EIF4G3: variants seen among roughly 807,000 people sequenced by gnomAD.
The protein encoded by EIF4G3 is eukaryotic translation initiation factor 4 gamma 3.
Under a neutral mutation model 186.4 loss-of-function variants are expected in EIF4G3, and 34 were observed. The ratio of observed to expected loss-of-function variants is 0.18; its 90% CI spans 0.14 to 0.24. The LOEUF (loss-of-function observed/expected upper bound fraction) is 0.24. Among genes scored for constraint, EIF4G3 ranks in the 10% least tolerant of loss-of-function variants. The pLI, the probability that EIF4G3 is intolerant of heterozygous loss-of-function variation, is 1.00. For missense variants in EIF4G3, 1,536 were observed against 1,948.5 expected (o/e 0.79, Z 3.99); for synonymous variants, 673 against 679.5 (o/e 0.99, Z 0.15).
intron 16 of EIF4G3, among the ~76,000 whole-genome samples, chr1:20,897,121 A>C (rs1277541499): frequency 6.6e-6 from 1 of 152,210 alleles, no homozygotes; most frequent in African/African-American, 2.4e-5. Context: ...AGAAGGGAAC[A>C]ATGAAATACA....
intron 2 of EIF4G3, among the ~76,000 whole-genome samples, chr1:21,168,393 G>C (rs1184193358): frequency 1.3e-5 from 2 of 151,646 alleles, no homozygotes; most frequent in African/African-American, 4.9e-5. Context: ...GACAGAGCGA[G>C]GCTCCGTCTC....
At chr1:20,932,792 A>C (rs1025821400) in intron 14 of EIF4G3, among the ~76,000 whole-genome samples, 2 of 152,190 alleles carry the variant, frequency 1.3e-5, no homozygotes, top group Non-Finnish European at 2.9e-5. Context: ...GAAAGGTCTG[A>C]AATACTGTGA....
At chr1:21,000,675 A>C (rs1234849955) in intron 6 of EIF4G3, among the ~76,000 whole-genome samples, 1 of 152,128 alleles carries the variant, frequency 6.6e-6, no homozygotes, top group African/African-American at 2.4e-5. Flanking sequence ...AAGCAAGAGT[A>C]GTCTGGGGTC....
rs1379240381 is a variant in EIF4G3, at chr1:20,806,634, A to T, written c.*685T>A. 1 of 150,290 alleles carries T rather than the reference A, an allele frequency of 6.7e-6. No homozygotes were observed. The highest frequency in any genetic ancestry group is 1.5e-5 in the Non-Finnish European group (1 of 67,654). The allele number at this position is 150,290 out of a possible 1,614,324, so 9.3% of individuals were successfully genotyped here. A position where few individuals can be genotyped will look rare whatever the true frequency, so the allele number is the denominator to read the frequency against. The stretch of plus-strand genomic sequence containing the variant: ...TAAAGATTTCAAGAGTATTAAGAGT[A>T]CTTTTCTCAGGGTAGCACTTTTTTT... On this transcript the variant is annotated 3_prime_UTR_variant, in exon 37 of 37. Transcript: ENST00000602326.
chr1:20,997,674 A>T, intron 6 of EIF4G3, 41 bp from the exon 7 acceptor site: 1 of 1,504,370 alleles, frequency 6.6e-7, no homozygotes, highest in African/African-American at 1.4e-5. Context: ...GGAAAGGCAC[A>T]AAGAGTCAGA....
chr1:21,083,433 A>G (rs2095857440), intron 3 of EIF4G3, among the ~76,000 whole-genome samples: 1 of 151,492 alleles, frequency 6.6e-6, no homozygotes, highest in Non-Finnish European at 1.5e-5. Flanking sequence ...CCTCCTTGGC[A>G]TGCCAAAGTG....
At chr1:21,145,560 T>C (rs2097424906) in intron 2 of EIF4G3, among the ~76,000 whole-genome samples, 1 of 152,194 alleles carries the variant, frequency 6.6e-6, no homozygotes, top group South Asian at 2.1e-4. Flanking sequence ...TCACCCCACC[T>C]AGCTATGCTA....
chr1:20,895,526 A>G (rs746069922), intron 16 of EIF4G3, 25 bp from the exon 17 acceptor site: 14 of 1,611,774 alleles, frequency 8.7e-6, no homozygotes, highest in Non-Finnish European at 1.0e-5. Flanking sequence ...ATAGGCAGAC[A>G]CTGTTTGTAG....
At chr1:20,817,607 G>A (rs2061385046) in intron 33 of EIF4G3, 69 bp from the exon 34 acceptor site, 3 of 983,700 alleles carry the variant, frequency 3.0e-6, no homozygotes, top group Non-Finnish European at 4.0e-6. Context: ...CCTGAGAGAA[G>A]AACAAAGTCA....
intron 2 of EIF4G3, among the ~76,000 whole-genome samples, chr1:21,151,147 T>A (rs1422817643): frequency 6.6e-6 from 1 of 151,958 alleles, no homozygotes. Flanking sequence ...TACATGCTAC[T>A]TTTAACTGAC....
At chr1:20,843,682 G>A (rs1021044406) in intron 29 of EIF4G3, among the ~76,000 whole-genome samples, 1 of 152,212 alleles carries the variant, frequency 6.6e-6, no homozygotes, top group East Asian at 1.9e-4. Context: ...ACATGTGCAG[G>A]ATGTGCAGCT....
At chr1:21,154,271 C>G (rs1389302181) in intron 2 of EIF4G3, among the ~76,000 whole-genome samples, 1 of 152,116 alleles carries the variant, frequency 6.6e-6, no homozygotes, top group African/African-American at 2.4e-5. Context: ...ACAGGAAAAA[C>G]TGCTTTCAAT....
chr1:20,893,563 G>T lies in EIF4G3; in HGVS notation c.2207C>A (p.Ala736Asp), dbSNP rs773391616. The change falls in exon 18 of 37, where the codon GCC becomes GAC. Residue 736 changes from alanine to aspartate, a missense_variant. Transcript: ENST00000602326. ...TGTCTGCCTTCCAAAATCAGCAAAG[G>T]CTGGTGTAAAGTCTGGTCCTCGAGG... The part of the protein sequence containing the change: ...ILPRGPDFTP[A>D]FADFGRQTPG... 2.5e-6 allele frequency: 4 copies of T among 1,601,918 alleles called. No individual in the cohort carries two copies. Among genetic ancestry groups the T allele is most frequent in the Non-Finnish European group, 3.4e-6 (4 of 1,171,050 alleles).
chr1:21,028,236 T>C (rs770714192), intron 4 of EIF4G3, among the ~76,000 whole-genome samples: 9 of 152,234 alleles, frequency 5.9e-5, no homozygotes, highest in Non-Finnish European at 1.3e-4. Flanking sequence ...ATATTATCAA[T>C]GTATACTTAA....
chr1:21,145,305 G>C (rs1276161999), intron 2 of EIF4G3, among the ~76,000 whole-genome samples: 2 of 148,254 alleles, frequency 1.3e-5, no homozygotes, highest in Non-Finnish European at 3.0e-5. Flanking sequence ...AGTAGAATCA[G>C]AGCTAAAAAA....
chr1:20,902,887 T>C (rs2090852768), intron 15 of EIF4G3, among the ~76,000 whole-genome samples: 1 of 152,200 alleles, frequency 6.6e-6, no homozygotes, highest in African/African-American at 2.4e-5. Context: ...GTGATCCTCC[T>C]GCCTCAGCCT....
chr1:20,918,368 C>A (rs1293330470), intron 14 of EIF4G3, among the ~76,000 whole-genome samples: 2 of 152,016 alleles, frequency 1.3e-5, no homozygotes, highest in Non-Finnish European at 2.9e-5. Context: ...CACCAGCACA[C>A]TTTGCTAATT....
intron 10 of EIF4G3, among the ~76,000 whole-genome samples, chr1:20,980,027 C>T (rs573734699): frequency 2.0e-5 from 3 of 152,100 alleles, no homozygotes; most frequent in African/African-American, 7.2e-5. Context: ...CGTGAGCCAC[C>T]GCGCCCAGCC....
chr1:20,915,978 T>C (rs1028921999), intron 14 of EIF4G3, among the ~76,000 whole-genome samples: 4 of 152,166 alleles, frequency 2.6e-5, no homozygotes, highest in African/African-American at 9.7e-5. Flanking sequence ...ATGAAACAGC[T>C]AACAAGACTA....
Sources: gnomAD v4.1 joint callset for allele counts (sites outside exome capture counted in the v4.1 genomes callset) on GRCh38, gnomAD v4.1.1 for gene constraint, MANE v1.5 for transcripts, NCBI Gene and HGNC (gene_info 2026-07-23, HGNC 2026-07-21) for gene names.